TSBP1: variants seen among roughly 807,000 people sequenced by gnomAD.
TSBP1 encodes testis-expressed basic protein 1.
Under a neutral mutation model 68.8 loss-of-function variants are expected in TSBP1, and 56 were observed. That is an observed-to-expected ratio of 0.81 (90% CI 0.66 to 1.02). The LOEUF (loss-of-function observed/expected upper bound fraction) is 1.02, where lower values mean the gene tolerates loss of function less well. TSBP1 is among the 50% of genes least tolerant of loss of function. The pLI is 0.00. For missense variants in TSBP1, 502 were observed against 641.2 expected (o/e 0.78, Z 2.34); for synonymous variants, 171 against 208.7 (o/e 0.82, Z 1.56).
chr6:32,335,488 CTA>C lies in TSBP1; in HGVS notation c.452-33_452-32del. ...AAAAAAAGAGAAAAGAAATCAGTAG[CTA>C]TATATATATTTTATATATACTTTTT... On this transcript the variant is annotated intron_variant, in intron 13 of 22. Transcript: ENST00000612031. This position sits in a 1 kb window ranked among gnomAD's most constrained non-coding sequence, Gnocchi z 5.5. 2.1e-5 allele frequency: 28 copies of C among 1,339,122 alleles called. No homozygotes were observed. The highest frequency in any genetic ancestry group is 5.8e-5 in the East Asian group (2 of 34,556). 83.0% of individuals were successfully genotyped at this position (1,339,122 alleles called of 1,614,324 possible). A position where few individuals can be genotyped will look rare whatever the true frequency, so the allele number is the denominator to read the frequency against.
In TSBP1 at chr6:32,371,839, G is replaced by A. The variant is rs1774461253; in HGVS notation, c.-133C>T. The A allele has an allele frequency of 7.4e-6, 7 of 939,766 alleles. No individual in the cohort carries two copies. The East Asian group carries it at 1.7e-4, about 23-fold the overall frequency. The allele number at this position is 939,766 out of a possible 1,614,324, so 58.2% of individuals were successfully genotyped here. A position where few individuals can be genotyped will look rare whatever the true frequency, so the allele number is the denominator to read the frequency against. On this transcript the variant is annotated 5_prime_UTR_variant, in exon 1 of 23. Transcript: ENST00000612031. ...CTTGGGTGTCAGGGAGGCCCTTGTAGGCAGAGATGCAGAGGATCACTGAGA... is the reference window on the plus strand; with the variant it reads ...CTTGGGTGTCAGGGAGGCCCTTGTAAGCAGAGATGCAGAGGATCACTGAGA...
chr6:32,370,026 G>C (rs1040897123), intron 1 of TSBP1, 43 bp from the exon 2 acceptor site: 5 of 1,306,228 alleles, frequency 3.8e-6, no homozygotes, highest in African/African-American at 1.4e-5. Context: ...ATTTAGACCA[G>C]GAAATTACCA....
Position 32,365,974 on chromosome 6 carries a change from T to C in TSBP1, c.217+193A>G, listed in dbSNP as rs1444463818. The C allele has an allele frequency of 3.7e-6, 3 of 819,564 alleles. No individual in the cohort carries two copies. Among genetic ancestry groups the C allele is most frequent in the South Asian group, 1.4e-5 (1 of 69,126 alleles). The allele number at this position is 819,564 out of a possible 1,614,324, so 50.8% of individuals were successfully genotyped here. On this transcript the variant is annotated intron_variant, in intron 6 of 22. Transcript: ENST00000612031. This position sits in a 1 kb window ranked among gnomAD's most constrained non-coding sequence, Gnocchi z 4.3. ...AATTAGGAGTTGGATAGGAGAGGAA[T>C]TGCATAGCTTTGGGGAAAATGGTGC...
At chr6:32,303,016 G>T (rs867331686) in intron 19 of TSBP1, among the ~76,000 whole-genome samples, 4 of 152,194 alleles carry the variant, frequency 2.6e-5, no homozygotes, top group Non-Finnish European at 5.9e-5. Flanking sequence ...GATGGCCCTG[G>T]AAGATCTGTC....
At position 32,365,394 on chromosome 6, in the gene TSBP1, G is replaced by T; in HGVS notation, c.217+773C>A. 2.2e-6 allele frequency: 1 copy of T among 457,266 alleles called. No individual in the cohort carries two copies. 28.3% of individuals were successfully genotyped at this position (457,266 alleles called of 1,614,324 possible). Reference sequence around the variant, plus strand: ...GCTCATTTGGGGACTCAGCCTAGATGGGAGAGTGAAATGTGTGAAAGGCAT... The same window carrying T: ...GCTCATTTGGGGACTCAGCCTAGATTGGAGAGTGAAATGTGTGAAAGGCAT... On this transcript the variant is annotated intron_variant, in intron 6 of 22. Transcript: ENST00000612031. This position sits in a 1 kb window ranked among gnomAD's most constrained non-coding sequence, Gnocchi z 4.3.
At chr6:32,368,877 C>G in intron 2 of TSBP1, 63 bp from the exon 3 acceptor site, 2 of 1,541,214 alleles carry the variant, frequency 1.3e-6, no homozygotes, top group Non-Finnish European at 1.8e-6. Context: ...TTCCTCTGAT[C>G]AAACTCTTCT....
At chr6:32,305,293 T>G (rs1484297956) in intron 19 of TSBP1, among the ~76,000 whole-genome samples, 1 of 152,144 alleles carries the variant, frequency 6.6e-6, no homozygotes, top group Non-Finnish European at 1.5e-5. Flanking sequence ...AAGATAAGGG[T>G]AATCACTCCA....
intron 16 of TSBP1, chr6:32,324,395 AT>A: frequency 3.2e-6 from 2 of 625,278 alleles, no homozygotes; most frequent in Non-Finnish European, 2.9e-6. Flanking sequence ...ATTTTGTAAA[AT>A]TTTTTTCTCT....
chr6:32,293,104 A>C, exon 23 of TSBP1: 1 of 1,602,706 alleles, frequency 6.2e-7, no homozygotes, highest in Non-Finnish European at 8.5e-7. Context: ...TTCCTTTGTC[A>C]CCTTTTGTGT....
At chr6:32,299,782 CT>C (rs1028799702) in intron 22 of TSBP1, 139 bp downstream of exon 25, 14 of 708,828 alleles carry the variant, frequency 2.0e-5, no homozygotes, top group Non-Finnish European at 3.2e-5. Flanking sequence ...GGGGGGGAAC[CT>C]TGGAAGTTTC....
intron 18 of TSBP1, among the ~76,000 whole-genome samples, chr6:32,320,515 A>G (rs975036754): frequency 2.6e-5 from 4 of 151,890 alleles, no homozygotes; most frequent in Admixed American, 1.3e-4. Flanking sequence ...TTTGTTCCTG[A>G]GGCAAAGCTG....
At chr6:32,294,266 T>C in intron 22 of TSBP1, 1 of 610,050 alleles carries the variant, frequency 1.6e-6, no homozygotes, top group Admixed American at 3.1e-5. Flanking sequence ...AAAGGTAAAA[T>C]GTACTGTAAA....
chr6:32,364,749 T>G (rs1773468919), intron 6 of TSBP1, among the ~76,000 whole-genome samples: 1 of 152,168 alleles, frequency 6.6e-6, no homozygotes, highest in South Asian at 2.1e-4. Flanking sequence ...CCTTCATTTT[T>G]GGGGGTTAGT....
At chr6:32,317,914 C>G (rs1277204147) in intron 18 of TSBP1, among the ~76,000 whole-genome samples, 1 of 152,010 alleles carries the variant, frequency 6.6e-6, no homozygotes, top group Non-Finnish European at 1.5e-5. Flanking sequence ...TCAAAGACCC[C>G]AAAACGGAGC....
In TSBP1 at chr6:32,333,592, GAC is replaced by G. The variant is rs28381647; in HGVS notation, c.473-1540_473-1539del. ...AGAATAGGTCCTAGGTGGCTATGTG[GAC>G]ACCTGCATAGATCATGGCGAGTACT... On this transcript the variant is annotated intron_variant, in intron 14 of 22. Coordinates refer to ENST00000612031, the Ensembl canonical transcript of TSBP1. This position sits in a 1 kb window ranked among gnomAD's most constrained non-coding sequence, Gnocchi z 4.2. Among the ~76,000 whole-genome samples the G allele has an allele frequency of 0.34, 51,010 of 151,948 alleles. 9,600 individuals are homozygous for G. Among genetic ancestry groups the G allele is most frequent in the Middle Eastern group, 0.52 (151 of 292 alleles).
Position 32,314,931 on chromosome 6 carries a change from C to G in TSBP1, c.580+841G>C, listed in dbSNP as rs1424311115. 1.3e-5 allele frequency among the ~76,000 whole-genome samples: 2 copies of G among 152,186 alleles called. No individual in the cohort carries two copies. Among genetic ancestry groups the G allele is most frequent in the African/African-American group, 4.8e-5 (2 of 41,462 alleles). ...ACCTTCTTCAGACTATGCGTGTCCT[C>G]CCAGTTTAACACAGTTCCCAGGAGA... On this transcript the variant is annotated intron_variant, in intron 19 of 22. Transcript: ENST00000612031. This position sits in a 1 kb window ranked among gnomAD's most constrained non-coding sequence, Gnocchi z 4.2.
At chr6:32,320,931 G>A (rs1767562960) in intron 18 of TSBP1, among the ~76,000 whole-genome samples, 1 of 152,012 alleles carries the variant, frequency 6.6e-6, no homozygotes, top group Non-Finnish European at 1.5e-5. Context: ...ATAAGAACAT[G>A]TGGTATCTGG....
intron 4 of TSBP1, 23 bp downstream of exon 4, chr6:32,367,902 C>A: frequency 6.4e-7 from 1 of 1,572,838 alleles, no homozygotes. Context: ...CATTAACTGT[C>A]TAGTAGTTCC....
At position 32,338,388 on chromosome 6, in the gene TSBP1, T is replaced by A. The variant is rs1022473921; in HGVS notation, c.409+591A>T. The stretch of plus-strand genomic sequence containing the variant: ...GGCAAAATCTCAGATCATATAAAAG[T>A]CATTGTTTCCATTTACCATTTTTTT... On this transcript the variant is annotated intron_variant, in intron 11 of 22. Coordinates refer to ENST00000612031, the Ensembl canonical transcript of TSBP1. This position sits in a 1 kb window ranked among gnomAD's most constrained non-coding sequence, Gnocchi z 5.5. Among the ~76,000 whole-genome samples the A allele has an allele frequency of 6.6e-6, 1 of 152,084 alleles. No individual in the cohort carries two copies. The highest frequency in any genetic ancestry group is 2.4e-5 in the African/African-American group (1 of 41,420).
Sources: gnomAD v4.1 joint callset for allele counts (sites outside exome capture counted in the v4.1 genomes callset) on GRCh38, gnomAD v4.1.1 for gene constraint, Gnocchi (gnomAD v3.1) non-coding constraint, MANE v1.5 for transcripts, NCBI Gene and HGNC (gene_info 2026-07-23, HGNC 2026-07-21) for gene names.